The following ARHGAP10 variants were observed in gnomAD, a reference collection of about 807,000 sequenced individuals.
ARHGAP10 encodes the protein rho GTPase-activating protein 10.
Under a neutral mutation model 108.6 loss-of-function variants are expected in ARHGAP10, and 87 were observed. The observed-to-expected ratio is 0.80, with a 90% CI of 0.67 to 0.96. The LOEUF (loss-of-function observed/expected upper bound fraction) is 0.96. Ranked by LOEUF, ARHGAP10 falls within the 40% of genes least tolerant of loss-of-function variation. ARHGAP10 has a pLI of 0.00. For missense variants in ARHGAP10, 939 were observed against 954.5 expected (o/e 0.98, Z 0.21); for synonymous variants, 347 against 341.1 (o/e 1.02, Z -0.19).
At chr4:147,960,502 A>G (rs1426660492) in intron 16 of ARHGAP10, among the ~76,000 whole-genome samples, 1 of 152,240 alleles carries the variant, frequency 6.6e-6, no homozygotes, top group Non-Finnish European at 1.5e-5. Flanking sequence ...TACATTAAAT[A>G]AAATAGGTTG....
At chr4:147,936,838 G>T (rs1737969909) in intron 13 of ARHGAP10, among the ~76,000 whole-genome samples, 1 of 152,116 alleles carries the variant, frequency 6.6e-6, no homozygotes, top group Admixed American at 6.5e-5. Flanking sequence ...TAAATCAGGG[G>T]TCCCCAATCC....
At chr4:147,895,224 T>C (rs980852766) in intron 10 of ARHGAP10, among the ~76,000 whole-genome samples, 25 of 152,124 alleles carry the variant, frequency 1.6e-4, no homozygotes, top group African/African-American at 5.6e-4. Context: ...ATTTAAAATA[T>C]TTGTTTTACC....
At chr4:147,887,057 C>T (rs1735598493) in intron 10 of ARHGAP10, among the ~76,000 whole-genome samples, 2 of 152,056 alleles carry the variant, frequency 1.3e-5, no homozygotes, top group Non-Finnish European at 2.9e-5. Flanking sequence ...CTGCCCGGCC[C>T]ATGCTATGTT....
chr4:147,765,683 C>T (rs919480445), intron 1 of ARHGAP10, among the ~76,000 whole-genome samples: 6 of 152,068 alleles, frequency 3.9e-5, no homozygotes, highest in African/African-American at 7.2e-5. Flanking sequence ...GCCTGTTGTC[C>T]GAGCTACTCG....
intron 1 of ARHGAP10, among the ~76,000 whole-genome samples, chr4:147,800,428 A>T (rs147740379): frequency 1.1e-4 from 16 of 152,184 alleles, no homozygotes; most frequent in African/African-American, 3.9e-4. Context: ...CCTATTGCAT[A>T]TGTCGAGGCT....
rs181257269 is a variant in ARHGAP10 at position 147,762,920 on chromosome 4, C to G, written c.154+30465C>G. 3.7e-3 allele frequency among the ~76,000 whole-genome samples: 563 copies of G among 152,134 alleles called. 6 individuals carry two copies. Among genetic ancestry groups the G allele is most frequent in the African/African-American group, 0.013 (527 of 41,502 alleles). On this transcript the variant is annotated intron_variant, in intron 1 of 22. Transcript: ENST00000336498. ...AGAACATCTGTCGCCCTTATCTACT[C>G]TGGATTCCATTTGCTAGGGGTAATG...
intron 1 of ARHGAP10, among the ~76,000 whole-genome samples, chr4:147,804,920 G>T (rs928006634): frequency 4.6e-5 from 7 of 152,112 alleles, no homozygotes; most frequent in African/African-American, 1.7e-4. Context: ...TATTCTGTGG[G>T]TTGTCTGTTT....
intron 19 of ARHGAP10, among the ~76,000 whole-genome samples, chr4:148,040,181 T>TC: frequency 6.6e-6 from 1 of 152,254 alleles, no homozygotes; most frequent in South Asian, 2.1e-4. Context: ...GGCCAAATCA[T>TC]CCCCCAGGCA....
chr4:147,872,505 C>T (rs1734869885), intron 7 of ARHGAP10, among the ~76,000 whole-genome samples: 1 of 152,010 alleles, frequency 6.6e-6, no homozygotes, highest in Non-Finnish European at 1.5e-5. Context: ...TACAGTTGAC[C>T]CTTGAACTAT....
At chr4:147,848,630 C>A (rs1733730329) in intron 4 of ARHGAP10, among the ~76,000 whole-genome samples, 1 of 152,190 alleles carries the variant, frequency 6.6e-6, no homozygotes, top group Non-Finnish European at 1.5e-5. Context: ...TCCGTGTAAA[C>A]AACATCCATT....
At chr4:147,877,286 C>A (rs1179627507) in intron 8 of ARHGAP10, among the ~76,000 whole-genome samples, 2 of 151,354 alleles carry the variant, frequency 1.3e-5, no homozygotes, top group African/African-American at 4.9e-5. Context: ...AACCATAGAA[C>A]ACAGTACAAA....
intron 15 of ARHGAP10, among the ~76,000 whole-genome samples, chr4:147,949,265 G>A (rs2126975471): frequency 1.3e-5 from 2 of 152,294 alleles, no homozygotes; most frequent in South Asian, 4.1e-4. Flanking sequence ...ACTAATTGTG[G>A]TTTAGATGAG....
intron 1 of ARHGAP10, among the ~76,000 whole-genome samples, chr4:147,756,321 G>A (rs532958060): frequency 6.6e-6 from 1 of 152,070 alleles, no homozygotes; most frequent in African/African-American, 2.4e-5. Flanking sequence ...GTGGTGGGGG[G>A]AGTATAAAAT....
intron 16 of ARHGAP10, among the ~76,000 whole-genome samples, 173 bp from the exon 17 acceptor site, chr4:147,964,851 T>C (rs1025594288): frequency 2.6e-5 from 4 of 151,734 alleles, no homozygotes; most frequent in South Asian, 2.1e-4. Flanking sequence ...AGGAGAAAGA[T>C]TTTTTTTTCC....
chr4:147,747,170 C>T (rs1378847953), intron 1 of ARHGAP10, among the ~76,000 whole-genome samples: 1 of 151,218 alleles, frequency 6.6e-6, no homozygotes, highest in Non-Finnish European at 1.5e-5. Context: ...TTTTTTTCCC[C>T]CAAAGTATTA....
chr4:147,837,650 T>TTTTTTTTTTTTTTTTTTTTTTTTTTTTG (rs71250029), intron 3 of ARHGAP10, among the ~76,000 whole-genome samples: 1 of 112,082 alleles, frequency 8.9e-6, no homozygotes, highest in Non-Finnish European at 1.8e-5. Context: ...ACTGTTTTTT[T>TTTTTTTTTTTTTTTTTTTTTTTTTTTTG]TTTTTTTTTT....
At chr4:147,834,625 C>A (rs1050376574) in intron 3 of ARHGAP10, among the ~76,000 whole-genome samples, 1 of 151,978 alleles carries the variant, frequency 6.6e-6, no homozygotes, top group South Asian at 2.1e-4. Context: ...GTTAGACTTA[C>A]CCCAGAATGG....
intron 1 of ARHGAP10, among the ~76,000 whole-genome samples, chr4:147,763,183 GT>G (rs915552055): frequency 6.7e-4 from 99 of 148,616 alleles, no homozygotes; most frequent in African/African-American, 2.2e-3. Context: ...GAAAATGACT[GT>G]TTTTTTGTTA....
At position 147,736,120 on chromosome 4, in the gene ARHGAP10, C is replaced by CTGTGTGTGTGTGTG. The variant is rs10644088; in HGVS notation, c.154+3686_154+3699dup. On this transcript the variant is annotated intron_variant, in intron 1 of 22. Transcript: ENST00000336498. ...TCTGTAGTGAACTTAAATTGTCTAG[C>CTGTGTGTGTGTGTG]TGTGTGTGTGTGTGTGTGTGTGTGT... Among the ~76,000 whole-genome samples the CTGTGTGTGTGTGTG allele has an allele frequency of 2.6e-3, 377 of 144,738 alleles. 3 individuals are homozygous for CTGTGTGTGTGTGTG. The highest frequency in any genetic ancestry group is 8.8e-3 in the African/African-American group (348 of 39,334). 95.0% of individuals were successfully genotyped at this position (144,738 alleles called of 152,430 possible). A position where few individuals can be genotyped will look rare whatever the true frequency, so the allele number is the denominator to read the frequency against.
Sources: gnomAD v4.1 joint callset for allele counts (sites outside exome capture counted in the v4.1 genomes callset) on GRCh38, gnomAD v4.1.1 for gene constraint, MANE v1.5 for transcripts, NCBI Gene and HGNC (gene_info 2026-07-23, HGNC 2026-07-21) for gene names.